Variants in PRKN observed in about 807,000 individuals in gnomAD.
PRKN encodes E3 ubiquitin-protein ligase parkin.
A neutral mutation model predicts 59.5 loss-of-function variants in PRKN; 56 were observed. The ratio of observed to expected loss-of-function variants is 0.94; its 90% CI spans 0.76 to 1.18. The LOEUF is 1.18. Ranked by LOEUF, PRKN falls within the 50% of genes most tolerant of loss-of-function variation. The probability of loss-of-function intolerance (pLI) is 0.00; values close to 1 mark genes in which losing one functional copy is unlikely to be tolerated. For missense variants in PRKN, 657 were observed against 596.4 expected (o/e 1.10, Z -1.06); for synonymous variants, 250 against 222.1 (o/e 1.13, Z -1.12).
rs955817398 is a variant in PRKN, at chr6:161,352,662, A to G, written c.1286-2451T>C. Reference sequence around the variant, plus strand: ...TTAAAGCAATTCTAAATGAAAGGGTAAGAAACTTTCCTATTGTGATATTTA... The same window carrying G: ...TTAAAGCAATTCTAAATGAAAGGGTGAGAAACTTTCCTATTGTGATATTTA... On this transcript the variant is annotated intron_variant, in intron 11 of 11. Coordinates refer to ENST00000366898, the MANE Select transcript of PRKN (RefSeq NM_004562.3). The surrounding 1 kb of genome is among the most constrained non-coding windows in gnomAD (Gnocchi z 5.8). 6.6e-6 allele frequency among the ~76,000 whole-genome samples: 1 copy of G among 150,940 alleles called. No individual in the cohort carries two copies.
intron 7 of PRKN, among the ~76,000 whole-genome samples, chr6:161,750,433 G>GT (rs1398292415): frequency 6.6e-6 from 1 of 151,786 alleles, no homozygotes; most frequent in East Asian, 1.9e-4. Flanking sequence ...ATCATGGCAT[G>GT]TTTTTTTCTT....
At chr6:161,621,292 C>T (rs1782888315) in intron 7 of PRKN, among the ~76,000 whole-genome samples, 1 of 152,094 alleles carries the variant, frequency 6.6e-6, no homozygotes, top group Non-Finnish European at 1.5e-5. Flanking sequence ...AGGCCATCTA[C>T]AAGCTGAAGA....
intron 6 of PRKN, among the ~76,000 whole-genome samples, chr6:161,932,831 T>C (rs1030119334): frequency 9.2e-5 from 14 of 152,320 alleles, no homozygotes; most frequent in African/African-American, 2.9e-4. Context: ...TGCTTTTTTT[T>C]TTCAAGAACA....
chr6:161,565,102 G>A (rs564730563), intron 8 of PRKN, among the ~76,000 whole-genome samples: 5 of 152,132 alleles, frequency 3.3e-5, no homozygotes, highest in East Asian at 3.9e-4. Context: ...TTTCATGGTC[G>A]GTCATAATCA....
At chr6:162,020,332 C>CAAAAAA (rs771141235) in intron 5 of PRKN, among the ~76,000 whole-genome samples, 6 of 45,506 alleles carry the variant, frequency 1.3e-4, no homozygotes, top group Non-Finnish European at 1.8e-4. Context: ...ACCAATGAAT[C>CAAAAAA]AAAAAAAAAA....
chr6:162,213,246 A>G (rs904657649), intron 3 of PRKN, among the ~76,000 whole-genome samples: 7 of 152,158 alleles, frequency 4.6e-5, no homozygotes, highest in African/African-American at 1.7e-4. Context: ...AATAATGTTA[A>G]CAATAAATAT....
At chr6:162,236,302 C>T (rs1232006823) in intron 3 of PRKN, among the ~76,000 whole-genome samples, 4 of 152,150 alleles carry the variant, frequency 2.6e-5, no homozygotes, top group Non-Finnish European at 5.9e-5. Flanking sequence ...ATCAGAAATG[C>T]TTATTGGTTA....
intron 1 of PRKN, among the ~76,000 whole-genome samples, chr6:162,481,730 G>C (rs1792320113): frequency 6.6e-6 from 1 of 151,578 alleles, no homozygotes. Context: ...TTTTTCAAAT[G>C]ACGGCTGATG....
At chr6:162,254,501 C>T (rs1324871035) in intron 3 of PRKN, among the ~76,000 whole-genome samples, 3 of 151,688 alleles carry the variant, frequency 2.0e-5, no homozygotes, top group Non-Finnish European at 4.4e-5. Context: ...ATTAGCAGGA[C>T]TCAGTTCCCA....
intron 6 of PRKN, among the ~76,000 whole-genome samples, chr6:161,928,096 A>T (rs1383690745): frequency 6.6e-6 from 1 of 152,204 alleles, no homozygotes; most frequent in Non-Finnish European, 1.5e-5. Flanking sequence ...TCTTTATGAA[A>T]GTTGCCTTCT....
chr6:162,230,307 T>A (rs1223223127), intron 3 of PRKN, among the ~76,000 whole-genome samples: 6 of 152,060 alleles, frequency 3.9e-5, no homozygotes, highest in Non-Finnish European at 7.4e-5. Context: ...ACAGTGACGG[T>A]TCACAGAGCA....
At chr6:162,316,070 T>C (rs1209029077) in intron 2 of PRKN, among the ~76,000 whole-genome samples, 2 of 152,028 alleles carry the variant, frequency 1.3e-5, no homozygotes, top group Non-Finnish European at 2.9e-5. Context: ...TCAGGTTCTA[T>C]GATGTCCTGG....
At chr6:162,510,714 G>C (rs117063861) in intron 1 of PRKN, among the ~76,000 whole-genome samples, 1,564 of 152,220 alleles carry the variant, frequency 0.01, 9 homozygotes, top group Middle Eastern at 0.02. Flanking sequence ...TTGAGGTCAA[G>C]AGTTCAAGAC....
chr6:161,736,111 C>A (rs1250724589), intron 7 of PRKN, among the ~76,000 whole-genome samples: 1 of 152,144 alleles, frequency 6.6e-6, no homozygotes, highest in Non-Finnish European at 1.5e-5. Flanking sequence ...TTCATCCATT[C>A]ATTCATTTGC....
chr6:161,599,033 G>A (rs907158099), intron 7 of PRKN, among the ~76,000 whole-genome samples: 1 of 152,162 alleles, frequency 6.6e-6, no homozygotes, highest in Non-Finnish European at 1.5e-5. Context: ...AGCTGTCTGA[G>A]TGATGCAGCC....
intron 1 of PRKN, among the ~76,000 whole-genome samples, chr6:162,530,894 T>TA (rs1368882835): frequency 6.7e-6 from 1 of 150,306 alleles, no homozygotes; most frequent in East Asian, 2.0e-4. Flanking sequence ...CTGTCTCTAC[T>TA]AAAATACAAA....
intron 7 of PRKN, among the ~76,000 whole-genome samples, chr6:161,657,895 G>T (rs1784406231): frequency 6.6e-6 from 1 of 151,510 alleles, no homozygotes; most frequent in Non-Finnish European, 1.5e-5. Context: ...TGGCATGGTG[G>T]CAGGTGCCCA....
At chr6:161,867,429 A>G (rs1305089427) in intron 6 of PRKN, among the ~76,000 whole-genome samples, 2 of 152,222 alleles carry the variant, frequency 1.3e-5, no homozygotes, top group East Asian at 1.9e-4. Flanking sequence ...TGTAAAATAC[A>G]TTCTTAGCTC....
chr6:162,034,477 A>G (rs778654124), intron 5 of PRKN, among the ~76,000 whole-genome samples: 24 of 152,246 alleles, frequency 1.6e-4, no homozygotes, highest in Middle Eastern at 3.4e-3. Context: ...AGAAACAAGC[A>G]TATTTCCTGC....
Sources: gnomAD v4.1 joint callset for allele counts (sites outside exome capture counted in the v4.1 genomes callset) on GRCh38, gnomAD v4.1.1 for gene constraint, Gnocchi (gnomAD v3.1) non-coding constraint, MANE v1.5 for transcripts, NCBI Gene and HGNC (gene_info 2026-07-23, HGNC 2026-07-21) for gene names.